NUDCD3: variants seen among roughly 807,000 people sequenced by gnomAD.
NUDCD3 encodes the protein NudC domain containing 3, also known as nudC domain-containing protein 3.
A neutral mutation model predicts 39.7 loss-of-function variants in NUDCD3; 13 were observed. That is an observed-to-expected ratio of 0.33 (90% CI 0.21 to 0.52). NUDCD3 has a LOEUF of 0.52. Ranked by LOEUF, NUDCD3 falls within the 20% of genes least tolerant of loss-of-function variation. NUDCD3 has a pLI of 0.96. For missense variants in NUDCD3, 453 were observed against 458.1 expected, an observed-to-expected ratio of 0.99 and a Z score of 0.10; for synonymous variants, 175 against 172.4, an observed-to-expected ratio of 1.02 and a Z score of -0.12.
Position 44,398,816 on chromosome 7 carries a change from C to T in NUDCD3, c.786+5624G>A, listed in dbSNP as rs557158549. Among the ~76,000 whole-genome samples the T allele has an allele frequency of 4.6e-5, 7 of 152,244 alleles. No individual in the cohort carries two copies. The South Asian group carries it at 1.2e-3, about 27-fold the overall frequency. ...GGCACCTCAGAGCGAGGGCAGATAA[C>T]GGGGTGAGACGACAGCGTGGCAGAG... On this transcript the variant is annotated intron_variant, in intron 4 of 5. Transcript: ENST00000355451.
intron 2 of NUDCD3, among the ~76,000 whole-genome samples, chr7:44,454,504 T>C (rs1293694932): frequency 6.6e-6 from 1 of 152,232 alleles, no homozygotes; most frequent in African/African-American, 2.4e-5. Flanking sequence ...TCATAGCATA[T>C]AACCACTGAG....
intron 4 of NUDCD3, 59 bp from the exon 5 acceptor site, chr7:44,392,544 G>C: frequency 3.3e-6 from 5 of 1,504,192 alleles, no homozygotes; most frequent in Non-Finnish European, 4.6e-6. Flanking sequence ...TCCAGGGCTG[G>C]GGACAGAGCA....
intron 2 of NUDCD3, among the ~76,000 whole-genome samples, chr7:44,454,096 T>C (rs1585089519): frequency 1.3e-5 from 2 of 152,092 alleles, no homozygotes; most frequent in East Asian, 3.9e-4. Context: ...TCCCAGAACT[T>C]TGGGAGGCCG....
intron 2 of NUDCD3, chr7:44,467,980 T>C (rs775631729): frequency 6.2e-6 from 10 of 1,611,854 alleles, no homozygotes; most frequent in South Asian, 3.3e-5. Context: ...CAGACCAATA[T>C]GTCAAAATTA....
chr7:44,425,181 T>C (rs1484995518), intron 3 of NUDCD3, among the ~76,000 whole-genome samples: 3 of 151,866 alleles, frequency 2.0e-5, no homozygotes, highest in African/African-American at 7.3e-5. Flanking sequence ...TTAGGACAAA[T>C]ACCTAATGCA....
At chr7:44,430,117 G>A (rs544044755) in intron 2 of NUDCD3, among the ~76,000 whole-genome samples, 10 of 152,134 alleles carry the variant, frequency 6.6e-5, no homozygotes, top group Non-Finnish European at 1.3e-4. Context: ...TTTCTTCTTT[G>A]TACCTAGGTA....
chr7:44,424,788 G>GTA (rs537029986), intron 3 of NUDCD3, among the ~76,000 whole-genome samples: 88 of 152,198 alleles, frequency 5.8e-4, no homozygotes, highest in South Asian at 1.0e-3. Context: ...CCATTACTGG[G>GTA]TATATATATA....
At chr7:44,453,535 ACT>A (rs1799834227) in intron 2 of NUDCD3, among the ~76,000 whole-genome samples, 1 of 152,070 alleles carries the variant, frequency 6.6e-6, no homozygotes, top group South Asian at 2.1e-4. Flanking sequence ...TGCTCCTATA[ACT>A]CTGTACATCT....
At chr7:44,475,817 T>C (rs918618780) in intron 2 of NUDCD3, among the ~76,000 whole-genome samples, 23 of 152,218 alleles carry the variant, frequency 1.5e-4, no homozygotes, top group South Asian at 4.1e-4. Context: ...AGAAAAGCCA[T>C]AGAAAATATC....
chr7:44,408,596 A>G (rs1371366120), intron 3 of NUDCD3, among the ~76,000 whole-genome samples: 3 of 152,232 alleles, frequency 2.0e-5, no homozygotes, highest in African/African-American at 7.2e-5. Flanking sequence ...ACAGGCCTCC[A>G]AAAAGCTCTC....
rs145494660 is a variant in NUDCD3, at chr7:44,436,810, A to G, written c.510-9107T>C. On this transcript the variant is annotated intron_variant, in intron 2 of 5. Transcript: ENST00000355451. ...TTCTTTATATATGTGGATAAGAATT[A>G]TTTGTTGGTTTACAGTTTACAAATT... 6.9e-3 allele frequency among the ~76,000 whole-genome samples: 1,049 copies of G among 152,270 alleles called. 8 individuals are homozygous for G. The highest frequency in any genetic ancestry group is 0.014 in the Admixed American group (214 of 15,296).
At chr7:44,458,858 T>C (rs1176944152) in intron 2 of NUDCD3, among the ~76,000 whole-genome samples, 1 of 152,090 alleles carries the variant, frequency 6.6e-6, no homozygotes, top group African/African-American at 2.4e-5. Flanking sequence ...CATACAAGCA[T>C]GTGTATGAGC....
At chr7:44,478,290 C>A (rs1800420518) in intron 2 of NUDCD3, among the ~76,000 whole-genome samples, 1 of 152,184 alleles carries the variant, frequency 6.6e-6, no homozygotes, top group African/African-American at 2.4e-5. Flanking sequence ...GTGGCTCACG[C>A]CTGTAATTCC....
intron 2 of NUDCD3, among the ~76,000 whole-genome samples, chr7:44,482,861 T>C (rs1800519610): frequency 6.6e-6 from 1 of 151,962 alleles, no homozygotes; most frequent in African/African-American, 2.4e-5. Context: ...TATTGAAGGA[T>C]TTAAAGGAAA....
intron 3 of NUDCD3, chr7:44,426,187 T>C (rs1470022173): frequency 1.0e-6 from 1 of 985,026 alleles, no homozygotes; most frequent in Non-Finnish European, 1.2e-6. Context: ...ACCGGGTGTT[T>C]GTAGCTGAAG....
intron 2 of NUDCD3, among the ~76,000 whole-genome samples, chr7:44,475,713 T>C (rs966761985): frequency 2.0e-5 from 3 of 151,944 alleles, no homozygotes; most frequent in Admixed American, 1.3e-4. Context: ...TGAGCTACAA[T>C]TGCACCGTGC....
chr7:44,479,545 G>A (rs940274415), intron 2 of NUDCD3, among the ~76,000 whole-genome samples: 1 of 151,998 alleles, frequency 6.6e-6, no homozygotes, highest in African/African-American at 2.4e-5. Flanking sequence ...TTCTTTCCCA[G>A]CACTTACACT....
chr7:44,443,552 G>A (rs1585082714), intron 2 of NUDCD3, among the ~76,000 whole-genome samples: 3 of 151,964 alleles, frequency 2.0e-5, no homozygotes, highest in Admixed American at 6.6e-5. Context: ...CTGGGATTAC[G>A]GGCATGCACC....
intron 2 of NUDCD3, chr7:44,467,827 AAAAAG>A (rs201367559): frequency 0.064 from 73,036 of 1,139,134 alleles, 1,030 homozygotes; most frequent in East Asian, 0.22. Context: ...TAAAAAAAAA[AAAAAG>A]AAAAGAAAAG....
Sources: allele counts gnomAD v4.1 joint callset (sites outside exome capture counted in the v4.1 genomes callset), GRCh38; gene constraint gnomAD v4.1.1; transcripts MANE v1.5; gene names NCBI Gene and HGNC (gene_info 2026-07-23, HGNC 2026-07-21).